Variants in PTER observed in about 807,000 individuals in gnomAD.
PTER encodes phosphotriesterase related, also known as N-acetyltaurine hydrolase.
PTER carries 38 observed loss-of-function variants against 29.6 expected under a neutral mutation model. That is an observed-to-expected ratio of 1.28 (90% CI 0.99 to 1.68). The LOEUF is 1.68. Among genes scored for constraint, PTER ranks in the 40% most tolerant of loss-of-function variants. PTER has a pLI of 0.00. For missense variants in PTER, 482 were observed against 427.8 expected (o/e 1.13, Z -1.12); for synonymous variants, 172 against 154.5 (o/e 1.11, Z -0.84).
intron 3 of PTER, among the ~76,000 whole-genome samples, chr10:16,487,274 A>T (rs1051479606): frequency 2.6e-5 from 4 of 152,114 alleles, no homozygotes; most frequent in East Asian, 1.9e-4. Context: ...CTGAAATGAA[A>T]CTTTGTCAGG....
intron 3 of PTER, among the ~76,000 whole-genome samples, chr10:16,498,978 G>C (rs1588626739): frequency 6.6e-6 from 1 of 152,328 alleles, no homozygotes; most frequent in East Asian, 1.9e-4. Flanking sequence ...CGTAGTGTGA[G>C]TGCCTTGGAG....
intron 3 of PTER, 56 bp from the exon 4 acceptor site, chr10:16,504,964 T>C: frequency 1.3e-6 from 2 of 1,596,794 alleles, no homozygotes; most frequent in Non-Finnish European, 1.7e-6. Context: ...TTCTAGTATG[T>C]ACATGTGGAA....
At chr10:16,483,876 T>G (rs946185386) in intron 1 of PTER, among the ~76,000 whole-genome samples, 4 of 152,014 alleles carry the variant, frequency 2.6e-5, no homozygotes, top group African/African-American at 9.7e-5. Flanking sequence ...GGAGGAAAGA[T>G]CAGTTGCTTC....
At chr10:16,509,003 T>C (rs1477987317) in intron 4 of PTER, among the ~76,000 whole-genome samples, 1 of 152,230 alleles carries the variant, frequency 6.6e-6, no homozygotes, top group Admixed American at 6.5e-5. Context: ...CTGTTTTCAA[T>C]CTTCTGCTCC....
intron 1 of PTER, among the ~76,000 whole-genome samples, chr10:16,462,235 C>T (rs959957512): frequency 3.9e-5 from 6 of 152,162 alleles, no homozygotes; most frequent in Non-Finnish European, 8.8e-5. Flanking sequence ...ATCCACCCGC[C>T]TCGGCCTCCC....
chr10:16,515,809 T>C (rs1836941325), downstream of PTER, among the ~76,000 whole-genome samples: 1 of 152,202 alleles, frequency 6.6e-6, no homozygotes, highest in African/African-American at 2.4e-5. Flanking sequence ...GTTTCATTTC[T>C]ATTCCACTAT....
intron 3 of PTER, among the ~76,000 whole-genome samples, chr10:16,496,364 A>T (rs1836098191): frequency 4.0e-5 from 6 of 151,824 alleles, no homozygotes; most frequent in Admixed American, 2.6e-4. Context: ...GCCTCCCTCC[A>T]CCTTATCTCT....
At chr10:16,489,175 C>G (rs576755106) in intron 3 of PTER, among the ~76,000 whole-genome samples, 2 of 152,160 alleles carry the variant, frequency 1.3e-5, no homozygotes, top group African/African-American at 4.8e-5. Context: ...TACTACTTCT[C>G]TTTCCAACGG....
At chr10:16,443,965 G>C (rs897950796) in intron 1 of PTER, among the ~76,000 whole-genome samples, 3 of 151,206 alleles carry the variant, frequency 2.0e-5, no homozygotes, top group Non-Finnish European at 4.4e-5. Context: ...AGAAAGGTCT[G>C]TGAGAAAAGA....
chr10:16,474,773 G>A (rs1034083288), intron 1 of PTER, among the ~76,000 whole-genome samples: 1 of 152,112 alleles, frequency 6.6e-6, no homozygotes, highest in African/African-American at 2.4e-5. Context: ...TGTAATCCCA[G>A]CTACTCAGGA....
In PTER at chr10:16,504,953, C is replaced by G. The variant is rs1044942251; in HGVS notation, c.699-67C>G. The stretch of plus-strand genomic sequence containing the variant: ...GTTCTTGTACATTGTGTGCTTAAAA[C>G]TTCTAGTATGTACATGTGGAAAATG... On this transcript the variant is annotated intron_variant, in intron 3 of 4. Coordinates refer to ENST00000535784, the MANE Select transcript of PTER (RefSeq NM_001261836.2). 5.8e-6 allele frequency: 9 copies of G among 1,561,788 alleles called. No homozygotes were observed. In the African/African-American group the frequency reaches 1.2e-4, roughly 21 times the overall value.
intron 1 of PTER, among the ~76,000 whole-genome samples, chr10:16,465,043 C>A (rs939265790): frequency 1.8e-4 from 28 of 152,210 alleles, no homozygotes; most frequent in South Asian, 6.2e-4. Context: ...ATGAGAAAGA[C>A]CCACCCCCAT....
At chr10:16,456,097 T>G (rs1834385737) in intron 1 of PTER, among the ~76,000 whole-genome samples, 1 of 152,202 alleles carries the variant, frequency 6.6e-6, no homozygotes, top group African/African-American at 2.4e-5. Flanking sequence ...CAAAAGACGT[T>G]GCCAGTTGTT....
intron 1 of PTER, among the ~76,000 whole-genome samples, chr10:16,463,748 G>A (rs1210546010): frequency 6.6e-6 from 1 of 152,154 alleles, no homozygotes; most frequent in African/African-American, 2.4e-5. Context: ...CATTTTAGGT[G>A]TTTATTAATA....
At chr10:16,443,119 T>C (rs573540456) in intron 1 of PTER, among the ~76,000 whole-genome samples, 1 of 152,170 alleles carries the variant, frequency 6.6e-6, no homozygotes, top group Non-Finnish European at 1.5e-5. Flanking sequence ...ACTGGGTGGC[T>C]TTAACAACAG....
chr10:16,518,470 T>TGA (rs1309348528), downstream of PTER, among the ~76,000 whole-genome samples: 1 of 152,220 alleles, frequency 6.6e-6, no homozygotes, highest in Non-Finnish European at 1.5e-5. Flanking sequence ...TCATGGAATG[T>TGA]GTGTGCTAGT....
chr10:16,455,918 G>A (rs1834377613), intron 1 of PTER, among the ~76,000 whole-genome samples: 1 of 152,196 alleles, frequency 6.6e-6, no homozygotes, highest in Admixed American at 6.5e-5. Context: ...TTTATACTTA[G>A]TGTGTTCCAA....
At chr10:16,504,701 G>T (rs1289440061) in intron 3 of PTER, among the ~76,000 whole-genome samples, 9 of 152,112 alleles carry the variant, frequency 5.9e-5, no homozygotes, top group Non-Finnish European at 1.3e-4. Context: ...AAATAGTGTG[G>T]GGGCATCTTC....
At chr10:16,504,047 A>T (rs957573420) in intron 3 of PTER, among the ~76,000 whole-genome samples, 2 of 151,798 alleles carry the variant, frequency 1.3e-5, no homozygotes, top group Non-Finnish European at 2.9e-5. Context: ...CCTTCATGCA[A>T]TGTCTTCCTT....
Sources: gnomAD v4.1 joint callset for allele counts (sites outside exome capture counted in the v4.1 genomes callset) on GRCh38, gnomAD v4.1.1 for gene constraint, MANE v1.5 for transcripts, NCBI Gene and HGNC (gene_info 2026-07-23, HGNC 2026-07-21) for gene names.